KNTC1: variants seen among roughly 807,000 people sequenced by gnomAD.
KNTC1 encodes kinetochore associated 1.
Under a neutral mutation model 314.4 loss-of-function variants are expected in KNTC1, and 253 were observed. That is an observed-to-expected ratio of 0.80 (90% CI 0.73 to 0.89). The LOEUF is 0.89. KNTC1 is among the 40% of genes least tolerant of loss of function. The probability of loss-of-function intolerance (pLI) is 0.00; values close to 1 mark genes in which losing one functional copy is unlikely to be tolerated. For missense variants in KNTC1, 2,475 were observed against 2,572.9 expected (o/e 0.96, Z 0.82); for synonymous variants, 901 against 901.4 (o/e 1.00, Z 0.01).
rs543228771 is a variant in KNTC1 at position 122,538,930 on chromosome 12, T to C, written c.366+476T>C. Among the ~76,000 whole-genome samples the C allele has an allele frequency of 2.5e-4, 38 of 152,336 alleles. No homozygotes were observed. The Middle Eastern group carries it at 0.014, about 55-fold the overall frequency. On this transcript the variant is annotated intron_variant, in intron 4 of 63. Coordinates refer to ENST00000333479, the MANE Select transcript of KNTC1 (RefSeq NM_014708.6). Reference sequence around the variant, plus strand: ...TGGGTGTGATTTTTAGTATCATAATTAGGTTAAAATTAGGAAATACTTGGT... The same window carrying C: ...TGGGTGTGATTTTTAGTATCATAATCAGGTTAAAATTAGGAAATACTTGGT...
At chr12:122,530,412 C>T (rs1474121111) in intron 2 of KNTC1, among the ~76,000 whole-genome samples, 1 of 151,752 alleles carries the variant, frequency 6.6e-6, no homozygotes, top group Non-Finnish European at 1.5e-5. Context: ...CTTGATATTT[C>T]ATGCATACAA....
rs1395834717 is a variant in KNTC1 at position 122,582,902 on chromosome 12, G to C, written c.3180G>C (p.Gln1060His). The C allele has an allele frequency of 3.1e-6, 5 of 1,613,308 alleles. No homozygotes were observed. The highest frequency in any genetic ancestry group is 1.7e-5 in the Admixed American group (1 of 59,908). ...TGCACAGACAGGCACTGGCCCTGCA[G>C]ATGTCCAAACAAGAGCTGGAGGCAG... is the stretch of plus-strand genomic sequence containing the variant. ...SKLHRQALAL[Q>H]MSKQELEAEL... Residue 1060 changes from glutamine to histidine, a missense_variant, in exon 34 of 64, where the codon CAG becomes CAC. By Grantham distance (24) the Gln-to-His change is conservative. Coordinates refer to ENST00000333479, the MANE Select transcript of KNTC1 (RefSeq NM_014708.6).
At chr12:122,621,617 G>A (rs920295593) in intron 60 of KNTC1, among the ~76,000 whole-genome samples, 7 of 152,246 alleles carry the variant, frequency 4.6e-5, no homozygotes, top group Admixed American at 2.0e-4. Context: ...TTATAGGCAT[G>A]AGCCACTGCG....
chr12:122,561,994 A>T lies in KNTC1; in HGVS notation c.1542+20A>T. 1 of 1,591,560 alleles carries T rather than the reference A, an allele frequency of 6.3e-7. No homozygotes were observed. Among genetic ancestry groups the T allele is most frequent in the South Asian group, 1.1e-5 (1 of 88,346 alleles). On this transcript the variant is annotated intron_variant, in intron 19 of 63. Transcript: ENST00000333479. ...AAAGAGGTAATTACACTAGATTTCTAGGTTAATATGTGGGTGAATATACCT... is the reference window on the plus strand; with the variant it reads ...AAAGAGGTAATTACACTAGATTTCTTGGTTAATATGTGGGTGAATATACCT...
In KNTC1 at chr12:122,587,829, T is replaced by G. The variant is rs1869588832; in HGVS notation, c.3849T>G (p.Leu1283=). The G allele has an allele frequency of 6.2e-7, 1 of 1,613,770 alleles. No homozygotes were observed. Among genetic ancestry groups the G allele is most frequent in the African/African-American group, 1.3e-5 (1 of 74,924 alleles). The change falls in exon 39 of 64, where the codon CTT becomes CTG. Residue 1283 remains leucine (L), a synonymous_variant. Transcript: ENST00000333479. ...RFVVGSFGTC[L]QHSVSNFMNA... ...TGGTTGGTTCATTTGGTACCTGTCT[T>G]CAGCACTCTGTGTCAAACTTCATGA...
intron 39 of KNTC1, among the ~76,000 whole-genome samples, chr12:122,588,164 T>C (rs1869639623): frequency 6.6e-6 from 1 of 152,222 alleles, no homozygotes; most frequent in South Asian, 2.1e-4. Flanking sequence ...GGTTTTATAT[T>C]GTAGTGGTAA....
chr12:122,569,380 C>T (rs191574266), intron 21 of KNTC1, among the ~76,000 whole-genome samples: 7 of 152,302 alleles, frequency 4.6e-5, no homozygotes, highest in Admixed American at 4.6e-4. Flanking sequence ...CCGTGATGCC[C>T]TTAATGGCTG....
chr12:122,602,637 G>A lies in KNTC1; in HGVS notation c.4722G>A (p.Gln1574=), dbSNP rs745341317. The part of the protein sequence containing the change: ...RISPPVDLEY[Q]YMLEHVITLP... Reference sequence around the variant, plus strand: ...CTCCTCCCGTGGATCTAGAATATCAGTATATGTTGGAACATGTCATAACTT... The same window carrying A: ...CTCCTCCCGTGGATCTAGAATATCAATATATGTTGGAACATGTCATAACTT... Residue 1574 remains glutamine, a synonymous_variant, in exon 46 of 64, where the codon CAG becomes CAA. Coordinates refer to ENST00000333479, the MANE Select transcript of KNTC1 (RefSeq NM_014708.6). 1 of 1,611,810 alleles carries A rather than the reference G, an allele frequency of 6.2e-7. No individual in the cohort carries two copies. Among genetic ancestry groups the A allele is most frequent in the Admixed American group, 1.7e-5 (1 of 60,012 alleles).
At chr12:122,600,397 C>A (rs1012851989) in intron 44 of KNTC1, among the ~76,000 whole-genome samples, 1 of 152,222 alleles carries the variant, frequency 6.6e-6, no homozygotes, top group Non-Finnish European at 1.5e-5. Flanking sequence ...CTGTACCCAG[C>A]CTGACTTCCT....
At chr12:122,541,169 A>G (rs1962279332) in intron 5 of KNTC1, among the ~76,000 whole-genome samples, 1 of 151,816 alleles carries the variant, frequency 6.6e-6, no homozygotes, top group Non-Finnish European at 1.5e-5. Context: ...CCTGGGAGAT[A>G]GATTGAGACC....
Position 122,582,730 on chromosome 12 carries a change from T to G in KNTC1, c.3008T>G (p.Phe1003Cys). Residue 1003 changes from phenylalanine (F) to cysteine (C), a missense_variant, in exon 34 of 64, where the codon TTT (phenylalanine) becomes TGT (cysteine). Transcript: ENST00000333479. Reference protein sequence around the residue: ...LQENFEVFLSFEDYSNSSLVA... With the variant: ...LQENFEVFLSCEDYSNSSLVA... Reference sequence around the variant, plus strand: ...GAGAACTTTGAGGTCTTTCTTTCATTTGAAGATTATAGCAATAGTTCCCTG... The same window carrying G: ...GAGAACTTTGAGGTCTTTCTTTCATGTGAAGATTATAGCAATAGTTCCCTG... 6.2e-7 allele frequency: 1 copy of G among 1,605,800 alleles called. No individual in the cohort carries two copies. The highest frequency in any genetic ancestry group is 1.7e-5 in the Admixed American group (1 of 59,284).
intron 44 of KNTC1, among the ~76,000 whole-genome samples, chr12:122,599,821 A>G (rs992248316): frequency 6.6e-6 from 1 of 152,176 alleles, no homozygotes; most frequent in African/African-American, 2.4e-5. Flanking sequence ...AAAATAGGCC[A>G]GCCTGGGGAA....
At chr12:122,546,895 C>G (rs1962812187) in intron 10 of KNTC1, among the ~76,000 whole-genome samples, 1 of 148,802 alleles carries the variant, frequency 6.7e-6, no homozygotes, top group Non-Finnish European at 1.5e-5. Context: ...TGCAATGGTG[C>G]GATCTCGGCT....
At chr12:122,621,434 C>T (rs1046264318) in intron 60 of KNTC1, among the ~76,000 whole-genome samples, 2 of 152,164 alleles carry the variant, frequency 1.3e-5, no homozygotes, top group Non-Finnish European at 2.9e-5. Flanking sequence ...TCACTGCAGC[C>T]TCCCTCCCGG....
At chr12:122,573,551 C>G (rs1964831794) in intron 26 of KNTC1, among the ~76,000 whole-genome samples, 1 of 152,166 alleles carries the variant, frequency 6.6e-6, no homozygotes, top group Non-Finnish European at 1.5e-5. Flanking sequence ...ACACCCATGA[C>G]ACAGCCTCAG....
At chr12:122,591,649 A>G (rs1369663935) in intron 42 of KNTC1, among the ~76,000 whole-genome samples, 196 bp downstream of exon 42, 3 of 152,044 alleles carry the variant, frequency 2.0e-5, no homozygotes, top group Non-Finnish European at 4.4e-5. Context: ...CTGTATTTTT[A>G]AGGAAATTAA....
intron 37 of KNTC1, 95 bp downstream of exon 37, chr12:122,585,869 G>A (rs1341429985): frequency 8.7e-7 from 1 of 1,153,916 alleles, no homozygotes; most frequent in Non-Finnish European, 1.3e-6. Flanking sequence ...ACAGTAATGT[G>A]GGCGAACCTT....
At chr12:122,531,441 G>A (rs568106507) in intron 2 of KNTC1, among the ~76,000 whole-genome samples, 6 of 152,188 alleles carry the variant, frequency 3.9e-5, no homozygotes, top group South Asian at 2.1e-4. Flanking sequence ...CAAGTGATCC[G>A]CCTGCCTTGG....
rs146545145 is a variant in KNTC1, at chr12:122,538,989, G to A, written c.366+535G>A. ...AGGGTTGAAGTCCACCTTGTCTTCA[G>A]CTGGCTGGATCTGGTCAGGTGCTTA... On this transcript the variant is annotated intron_variant, in intron 4 of 63. Coordinates refer to ENST00000333479, the MANE Select transcript of KNTC1 (RefSeq NM_014708.6). Among the ~76,000 whole-genome samples the A allele has an allele frequency of 3.5e-3, 540 of 152,366 alleles. 15 individuals are homozygous for A. Among genetic ancestry groups the A allele is most frequent in the Admixed American group, 0.034 (517 of 15,300 alleles).
Sources: allele counts gnomAD v4.1 joint callset (sites outside exome capture counted in the v4.1 genomes callset), GRCh38; gene constraint gnomAD v4.1.1; transcripts MANE v1.5; gene names NCBI Gene and HGNC (gene_info 2026-07-23, HGNC 2026-07-21).